Variants in KLHL1 observed in about 807,000 individuals in gnomAD.
KLHL1 encodes kelch-like protein 1.
Under a neutral mutation model 77.7 loss-of-function variants are expected in KLHL1, and 47 were observed. The observed-to-expected ratio is 0.60, with a 90% CI of 0.48 to 0.77. The LOEUF is 0.77. Ranked by LOEUF, KLHL1 falls within the 30% of genes least tolerant of loss-of-function variation. KLHL1 has a pLI of 0.00. For missense variants in KLHL1, 925 were observed against 910.8 expected (o/e 1.02, Z -0.20); for synonymous variants, 360 against 325.2 (o/e 1.11, Z -1.15).
At chr13:69,902,877 C>T (rs1430602358) in intron 4 of KLHL1, among the ~76,000 whole-genome samples, 2 of 151,948 alleles carry the variant, frequency 1.3e-5, no homozygotes, top group Admixed American at 1.3e-4. Context: ...GCACGTTGTG[C>T]ACATGTACCC....
chr13:69,826,129 T>C (rs1878537283), intron 6 of KLHL1, among the ~76,000 whole-genome samples: 1 of 152,210 alleles, frequency 6.6e-6, no homozygotes, highest in East Asian at 1.9e-4. Flanking sequence ...GTCAAACTCA[T>C]AGAAGCAGAG....
At chr13:69,885,036 G>A (rs1239894192) in intron 4 of KLHL1, among the ~76,000 whole-genome samples, 1 of 142,344 alleles carries the variant, frequency 7.0e-6, no homozygotes, top group African/African-American at 2.8e-5. Context: ...CGCTTCCCGG[G>A]TTCACGCCAT....
rs142416836 is a variant in KLHL1, at chr13:69,758,737, A to G, written c.1640-18181T>C. ...ATTTTTTAAGAAAGCTATTTCCTCA[A>G]TTTTTTTGTTTACTGACAGATCTAA... is the stretch of plus-strand genomic sequence containing the variant. On this transcript the variant is annotated intron_variant, in intron 7 of 10. Coordinates refer to ENST00000377844, the MANE Select transcript of KLHL1 (RefSeq NM_020866.3). Among the ~76,000 whole-genome samples the G allele has an allele frequency of 1.2e-3, 187 of 152,138 alleles. 2 individuals carry two copies. The East Asian group carries it at 0.032, about 26-fold the overall frequency.
chr13:70,047,099 A>G (rs1325159070), intron 1 of KLHL1, among the ~76,000 whole-genome samples: 3 of 152,166 alleles, frequency 2.0e-5, no homozygotes, highest in Non-Finnish European at 4.4e-5. Context: ...AGTGAACACA[A>G]TAGCATTAAT....
At chr13:70,062,586 A>G (rs1886916886) in intron 1 of KLHL1, among the ~76,000 whole-genome samples, 1 of 152,182 alleles carries the variant, frequency 6.6e-6, no homozygotes, top group South Asian at 2.1e-4. Flanking sequence ...AGCTTAAAGT[A>G]TAATAAAATT....
chr13:69,945,097 T>C (rs1017947669), intron 3 of KLHL1, among the ~76,000 whole-genome samples: 2 of 145,774 alleles, frequency 1.4e-5, no homozygotes, highest in Admixed American at 7.0e-5. Flanking sequence ...GTGATTCTCC[T>C]GCCTCAGCCT....
chr13:70,099,709 T>C (rs1381281448), intron 1 of KLHL1, among the ~76,000 whole-genome samples: 2 of 151,994 alleles, frequency 1.3e-5, no homozygotes, highest in African/African-American at 4.8e-5. Flanking sequence ...ATAATAACAT[T>C]TTTTCATTTA....
At position 70,108,452 on chromosome 13, in the gene KLHL1, C is replaced by A. The variant is rs1477214413; in HGVS notation, c.-753G>T. 1 of 146,272 alleles carries A rather than the reference C, an allele frequency of 6.8e-6. No individual in the cohort carries two copies. The highest frequency in any genetic ancestry group is 1.5e-5 in the Non-Finnish European group (1 of 66,106). The allele number at this position is 146,272 out of a possible 1,614,324, so 9.1% of individuals were successfully genotyped here. ...TGAAGCTGTCAAGGTCCTCACAGTACAATTTTCTCTCTGCCTCAGCGCCTC... is the reference window on the plus strand; with the variant it reads ...TGAAGCTGTCAAGGTCCTCACAGTAAAATTTTCTCTCTGCCTCAGCGCCTC... On this transcript the variant is annotated 5_prime_UTR_variant, in exon 1 of 11. Transcript: ENST00000377844.
At chr13:69,864,890 G>A (rs1880312675) in intron 5 of KLHL1, among the ~76,000 whole-genome samples, 1 of 152,120 alleles carries the variant, frequency 6.6e-6, no homozygotes, top group East Asian at 1.9e-4. Flanking sequence ...CTGAGGAAGA[G>A]CACCAGTAGT....
At chr13:69,919,786 G>C (rs899275938) in intron 4 of KLHL1, among the ~76,000 whole-genome samples, 1 of 151,988 alleles carries the variant, frequency 6.6e-6, no homozygotes, top group African/African-American at 2.4e-5. Flanking sequence ...TTTAGGTTTA[G>C]GTTATAATTT....
intron 1 of KLHL1, among the ~76,000 whole-genome samples, chr13:70,022,308 T>G (rs1885824360): frequency 6.8e-6 from 1 of 147,152 alleles, no homozygotes; most frequent in South Asian, 2.1e-4. Context: ...TGTGTGTATG[T>G]GTTTGGTTGT....
chr13:69,764,449 T>A (rs1875172712), intron 7 of KLHL1, among the ~76,000 whole-genome samples: 1 of 152,204 alleles, frequency 6.6e-6, no homozygotes, highest in Non-Finnish European at 1.5e-5. Flanking sequence ...AAGGTTTTTG[T>A]CTTCAGTTTT....
At chr13:70,026,856 A>T (rs200631789) in intron 1 of KLHL1, among the ~76,000 whole-genome samples, 5 of 99,872 alleles carry the variant, frequency 5.0e-5, no homozygotes, top group South Asian at 3.4e-4. Flanking sequence ...AGTATATATT[A>T]AAAAAAGACA....
chr13:69,821,968 G>A (rs1451632485), intron 6 of KLHL1, among the ~76,000 whole-genome samples: 1 of 152,044 alleles, frequency 6.6e-6, no homozygotes, highest in African/African-American at 2.4e-5. Flanking sequence ...GAGAGGTCAA[G>A]GCAGGCAAAT....
intron 1 of KLHL1, among the ~76,000 whole-genome samples, chr13:70,007,361 T>C (rs1412438072): frequency 1.3e-5 from 2 of 151,810 alleles, no homozygotes; most frequent in African/African-American, 4.8e-5. Flanking sequence ...CACAAATACA[T>C]ATACATCTAT....
intron 6 of KLHL1, among the ~76,000 whole-genome samples, chr13:69,797,190 A>T (rs546687686): frequency 6.6e-6 from 1 of 152,234 alleles, no homozygotes; most frequent in East Asian, 1.9e-4. Flanking sequence ...TTCGAATTAC[A>T]TAATGGTCTC....
intron 5 of KLHL1, among the ~76,000 whole-genome samples, chr13:69,866,813 A>G (rs1424128970): frequency 6.6e-6 from 1 of 152,154 alleles, no homozygotes; most frequent in Non-Finnish European, 1.5e-5. Context: ...TTTCAGACAC[A>G]AATTTAGAGG....
At chr13:70,086,864 A>T (rs1303652505) in intron 1 of KLHL1, among the ~76,000 whole-genome samples, 1 of 152,058 alleles carries the variant, frequency 6.6e-6, no homozygotes, top group Non-Finnish European at 1.5e-5. Context: ...TCCCTTTAAC[A>T]CCAGTGTCAG....
intron 1 of KLHL1, among the ~76,000 whole-genome samples, chr13:70,079,159 C>T (rs1255972413): frequency 1.3e-5 from 2 of 152,142 alleles, no homozygotes; most frequent in East Asian, 3.9e-4. Context: ...GCATGTAGAC[C>T]TGGGCCAAGG....
Sources: allele counts gnomAD v4.1 joint callset (sites outside exome capture counted in the v4.1 genomes callset), GRCh38; gene constraint gnomAD v4.1.1; transcripts MANE v1.5; gene names NCBI Gene and HGNC (gene_info 2026-07-23, HGNC 2026-07-21).